Variants in PCDH15 observed in about 807,000 individuals in gnomAD.
PCDH15 encodes protocadherin-15.
Under a neutral mutation model 178.5 loss-of-function variants are expected in PCDH15, and 129 were observed. The ratio of observed to expected loss-of-function variants is 0.72; its 90% CI spans 0.63 to 0.84. The LOEUF is 0.84. Among genes scored for constraint, PCDH15 ranks in the 40% least tolerant of loss-of-function variants. The probability of loss-of-function intolerance (pLI) is 0.00; values close to 1 mark genes in which losing one functional copy is unlikely to be tolerated. For synonymous variants in PCDH15, 800 were observed against 732.0 expected (o/e 1.09, Z -1.50); for missense variants, 2,230 against 2,099.9 (o/e 1.06, Z -1.21).
chr10:53,834,779 T>A (rs1359014024), intron 29 of PCDH15, among the ~76,000 whole-genome samples: 1 of 152,190 alleles, frequency 6.6e-6, no homozygotes, highest in East Asian at 1.9e-4. Context: ...AGCATATAAT[T>A]AATAAATACA....
intron 5 of PCDH15, among the ~76,000 whole-genome samples, chr10:54,367,744 C>T (rs955314535): frequency 2.2e-4 from 33 of 151,510 alleles, no homozygotes; most frequent in African/African-American, 5.8e-4. Context: ...CACCATGGCA[C>T]GTGTATACCT....
intron 2 of PCDH15, among the ~76,000 whole-genome samples, chr10:55,088,703 T>G (rs11004732): frequency 0.077 from 11,662 of 152,254 alleles, 555 homozygotes; most frequent in East Asian, 0.23. Context: ...GCATATTCAT[T>G]ATTTTATAAG....
At chr10:54,058,940 C>T (rs541629736) in intron 18 of PCDH15, among the ~76,000 whole-genome samples, 28 of 152,168 alleles carry the variant, frequency 1.8e-4, no homozygotes, top group Middle Eastern at 3.4e-3. Context: ...ATGATCCACC[C>T]GCCTCGGCCT....
chr10:54,475,298 G>T (rs1446761320), intron 3 of PCDH15, among the ~76,000 whole-genome samples: 1 of 151,824 alleles, frequency 6.6e-6, no homozygotes, highest in Non-Finnish European at 1.5e-5. Flanking sequence ...TATTTTACTT[G>T]AAACTTAAAA....
intron 3 of PCDH15, among the ~76,000 whole-genome samples, chr10:54,832,924 G>T (rs1268182264): frequency 1.3e-5 from 2 of 152,084 alleles, no homozygotes; most frequent in African/African-American, 4.8e-5. Flanking sequence ...ACATTTTGCA[G>T]GTAAGGAAAC....
intron 2 of PCDH15, among the ~76,000 whole-genome samples, chr10:55,039,713 A>G (rs935775728): frequency 1.3e-5 from 2 of 152,170 alleles, no homozygotes; most frequent in Admixed American, 6.5e-5. Flanking sequence ...AAAAGTGGCA[A>G]GTGTGGAGAA....
intron 14 of PCDH15, among the ~76,000 whole-genome samples, chr10:54,139,777 C>T (rs2043221366): frequency 6.6e-6 from 1 of 151,152 alleles, no homozygotes; most frequent in South Asian, 2.1e-4. Flanking sequence ...AGAAGAAAAC[C>T]AATAAGTAGA....
At position 55,127,297 on chromosome 10, in the gene PCDH15, C is replaced by T. The variant is rs7074911; in HGVS notation, c.-80+39279G>A. ...CTACTTGATGCTTTATCATTTTATA[C>T]CTTAAATATTTTTCCTATTGCCTCC... On this transcript the variant is annotated intron_variant, in intron 2 of 5. Transcript: ENST00000458638. Among the ~76,000 whole-genome samples the T allele has an allele frequency of 3.5e-3, 528 of 152,110 alleles. 3 individuals carry two copies. The highest frequency in any genetic ancestry group is 0.012 in the African/African-American group (517 of 41,530).
chr10:54,787,922 C>T (rs909839254), intron 1 of PCDH15, among the ~76,000 whole-genome samples: 6 of 151,666 alleles, frequency 4.0e-5, no homozygotes, highest in Admixed American at 1.3e-4. Context: ...AGAGAGTATC[C>T]GAGAGAGCGT....
At chr10:54,902,073 C>A (rs894170563) in intron 2 of PCDH15, among the ~76,000 whole-genome samples, 37 of 152,050 alleles carry the variant, frequency 2.4e-4, no homozygotes, top group African/African-American at 8.5e-4. Flanking sequence ...TCAAATTCAC[C>A]AGTAGTTTAA....
At chr10:55,400,950 G>A (rs575425469) in intron 2 of PCDH15, among the ~76,000 whole-genome samples, 18 of 152,158 alleles carry the variant, frequency 1.2e-4, no homozygotes, top group African/African-American at 3.9e-4. Context: ...AGATAAGATG[G>A]AGTTCTGTCT....
intron 2 of PCDH15, among the ~76,000 whole-genome samples, chr10:55,047,812 T>C (rs1172139008): frequency 1.3e-5 from 2 of 151,832 alleles, no homozygotes; most frequent in Non-Finnish European, 3.0e-5. Context: ...TGAAGTTCCA[T>C]ATTGAGGCTT....
intron 25 of PCDH15, chr10:53,905,165 C>T (rs1425376548): frequency 1.9e-6 from 1 of 518,650 alleles, no homozygotes; most frequent in Admixed American, 1.9e-5. Context: ...CACAGCTGCC[C>T]ATATACTTAA....
At chr10:54,822,566 T>G (rs1390769779) in intron 3 of PCDH15, among the ~76,000 whole-genome samples, 1 of 152,186 alleles carries the variant, frequency 6.6e-6, no homozygotes, top group African/African-American at 2.4e-5. Context: ...TCCACATGTT[T>G]GCTGTTTGTG....
intron 3 of PCDH15, among the ~76,000 whole-genome samples, chr10:54,868,106 A>G (rs1953970580): frequency 6.6e-6 from 1 of 152,202 alleles, no homozygotes; most frequent in Non-Finnish European, 1.5e-5. Flanking sequence ...TGTCAATTAT[A>G]TCTTAATAAA....
chr10:55,488,524 C>T (rs1182268122), intron 2 of PCDH15, among the ~76,000 whole-genome samples: 1 of 151,460 alleles, frequency 6.6e-6, no homozygotes, highest in Non-Finnish European at 1.5e-5. Context: ...TTGGACATTT[C>T]AAATAAATAT....
chr10:54,988,233 G>A (rs1468269690), intron 2 of PCDH15, among the ~76,000 whole-genome samples: 1 of 151,982 alleles, frequency 6.6e-6, no homozygotes, highest in African/African-American at 2.4e-5. Context: ...TGTCTGTTTT[G>A]GTACTAGTAC....
chr10:54,385,891 T>A (rs1210166220), intron 3 of PCDH15, among the ~76,000 whole-genome samples: 1 of 152,202 alleles, frequency 6.6e-6, no homozygotes, highest in Non-Finnish European at 1.5e-5. Context: ...AGTACTTTAC[T>A]TTCAAAAATA....
At chr10:54,880,607 T>TA (rs902615284) in intron 3 of PCDH15, among the ~76,000 whole-genome samples, 7 of 150,646 alleles carry the variant, frequency 4.6e-5, no homozygotes, top group South Asian at 2.1e-4. Flanking sequence ...TCACTAAGGT[T>TA]AAAAAAAAAC....
Sources: gnomAD v4.1 joint callset for allele counts (sites outside exome capture counted in the v4.1 genomes callset) on GRCh38, gnomAD v4.1.1 for gene constraint, MANE v1.5 for transcripts, NCBI Gene and HGNC (gene_info 2026-07-23, HGNC 2026-07-21) for gene names.